Variants in TXNRD1 observed in about 807,000 individuals in gnomAD.
The protein encoded by TXNRD1 is thioredoxin reductase 1, cytoplasmic.
In TXNRD1, 57 loss-of-function variants were observed where a neutral mutation model predicts 80.3. The ratio of observed to expected loss-of-function variants is 0.71; its 90% CI spans 0.57 to 0.89. TXNRD1 has a LOEUF of 0.89. Ranked by LOEUF, TXNRD1 falls within the 40% of genes least tolerant of loss-of-function variation. The pLI, the probability that TXNRD1 is intolerant of heterozygous loss-of-function variation, is 0.00. For synonymous variants in TXNRD1, 291 were observed against 285.2 expected (o/e 1.02, Z -0.20); for missense variants, 730 against 803.0 (o/e 0.91, Z 1.10).
intron 7 of TXNRD1, among the ~76,000 whole-genome samples, chr12:104,316,538 T>G (rs1346462599): frequency 6.6e-6 from 1 of 152,094 alleles, no homozygotes; most frequent in African/African-American, 2.4e-5. Flanking sequence ...TACGGGCGCC[T>G]GCCACCACGC....
chr12:104,301,892 T>A (rs1228211626), intron 4 of TXNRD1, among the ~76,000 whole-genome samples: 3 of 152,216 alleles, frequency 2.0e-5, no homozygotes, highest in Non-Finnish European at 4.4e-5. Context: ...TGAAGAGCAG[T>A]CAACTTTTCC....
chr12:104,265,585 A>G, intron 3 of TXNRD1: 4 of 1,608,062 alleles, frequency 2.5e-6, no homozygotes, highest in East Asian at 4.5e-5. Flanking sequence ...CACCCACAAC[A>G]TGTACCGGGA....
chr12:104,232,742 C>T (rs887544672), intron 1 of TXNRD1, among the ~76,000 whole-genome samples: 9 of 152,230 alleles, frequency 5.9e-5, no homozygotes, highest in South Asian at 4.2e-4. Context: ...CATAAATTTT[C>T]GGTGCTGCAA....
intron 3 of TXNRD1, among the ~76,000 whole-genome samples, chr12:104,285,655 C>T (rs1014758577): frequency 2.6e-5 from 4 of 152,110 alleles, no homozygotes; most frequent in African/African-American, 4.8e-5. Context: ...GGTGTATTTT[C>T]AATATATTTC....
At chr12:104,313,168 AT>A (rs1343543443) in intron 5 of TXNRD1, 76 bp from the exon 6 acceptor site, 4 of 1,191,126 alleles carry the variant, frequency 3.4e-6, no homozygotes, top group Non-Finnish European at 3.6e-6. Context: ...TTAAAAAAAA[AT>A]CATGGATTTT....
chr12:104,239,799 C>T (rs2032820851), intron 1 of TXNRD1, among the ~76,000 whole-genome samples: 2 of 152,098 alleles, frequency 1.3e-5, no homozygotes, highest in Non-Finnish European at 2.9e-5. Flanking sequence ...CTTCTTGACT[C>T]AGTTTGGGTA....
chr12:104,317,325 T>A (rs2135821516), intron 7 of TXNRD1, among the ~76,000 whole-genome samples: 2 of 151,024 alleles, frequency 1.3e-5, no homozygotes, highest in Middle Eastern at 3.5e-3. Flanking sequence ...ACAAGCTACC[T>A]GGTCCTCTAG....
At chr12:104,335,172 A>G (rs1013609249) in intron 15 of TXNRD1, among the ~76,000 whole-genome samples, 1 of 151,434 alleles carries the variant, frequency 6.6e-6, no homozygotes, top group Non-Finnish European at 1.5e-5. Context: ...CAGGTGAATA[A>G]GAGTACAATA....
At chr12:104,251,726 CAG>C (rs765122865) in intron 2 of TXNRD1, 48 bp downstream of exon 2, 1 of 1,591,344 alleles carries the variant, frequency 6.3e-7, no homozygotes, top group Admixed American at 1.8e-5. Context: ...AGGAATTTGA[CAG>C]ACTTTTGAGC....
At chr12:104,339,038 G>A in intron 15 of TXNRD1, 101 bp from the exon 16 acceptor site, 1 of 1,476,862 alleles carries the variant, frequency 6.8e-7, no homozygotes, top group Non-Finnish European at 9.1e-7. Flanking sequence ...TTTTTGAGTT[G>A]GATTTTTAAG....
intron 4 of TXNRD1, among the ~76,000 whole-genome samples, chr12:104,310,606 AATTAT>A (rs1255752132): frequency 6.6e-6 from 1 of 152,224 alleles, no homozygotes; most frequent in Non-Finnish European, 1.5e-5. Context: ...TGTGTATCAG[AATTAT>A]ATTAGTGGAA....
rs183420120 is a variant in TXNRD1 at position 104,301,423 on chromosome 12, C to A, written c.415-9867C>A. ...CGCGATCTTGGCTCACTGCAAGCTC[C>A]GTCTCCTGGGTTCAGGCTAGTCTCC... On this transcript the variant is annotated intron_variant, in intron 4 of 16. Transcript: ENST00000525566. 2.0e-5 allele frequency among the ~76,000 whole-genome samples: 3 copies of A among 152,232 alleles called. No homozygotes were observed. In the East Asian group the frequency reaches 5.8e-4, roughly 29 times the overall value.
intron 15 of TXNRD1, among the ~76,000 whole-genome samples, chr12:104,335,444 T>C (rs1565912478): frequency 6.6e-6 from 1 of 152,024 alleles, no homozygotes; most frequent in South Asian, 2.1e-4. Flanking sequence ...AGGTGATCCG[T>C]CTGCCTTGGT....
At position 104,243,262 on chromosome 12, in the gene TXNRD1, T is replaced by G. The variant is rs2032912951; in HGVS notation, c.92-8265T>G. ...TTCATTATCATGTCCTTTTAGGGAG[T>G]CTTTAGTCTTCCTTCCGTGTGTTTC... On this transcript the variant is annotated intron_variant, in intron 1 of 16. Coordinates refer to ENST00000525566, the MANE Select transcript of TXNRD1 (RefSeq NM_001093771.3). Among the ~76,000 whole-genome samples, 12 of 152,210 alleles carry G rather than the reference T, an allele frequency of 7.9e-5. 1 individual carries two copies. In the South Asian group the frequency reaches 2.5e-3, roughly 32 times the overall value.
At chr12:104,265,639 C>T in intron 3 of TXNRD1, 1 of 1,607,318 alleles carries the variant, frequency 6.2e-7, no homozygotes, top group Non-Finnish European at 8.5e-7. Context: ...CCAGTGCTAC[C>T]GAGACATGGG....
chr12:104,251,086 G>A (rs1410392470), intron 1 of TXNRD1, among the ~76,000 whole-genome samples: 1 of 152,210 alleles, frequency 6.6e-6, no homozygotes, highest in African/African-American at 2.4e-5. Context: ...GAGAAAACAT[G>A]TAAGCCTTGG....
At chr12:104,303,993 A>T in intron 4 of TXNRD1, 1 of 1,609,122 alleles carries the variant, frequency 6.2e-7, no homozygotes, top group Non-Finnish European at 8.5e-7. Flanking sequence ...AGCTCTGGGG[A>T]GGCCGACGTA....
rs551595591 is a variant in TXNRD1, at chr12:104,305,094, T to C, written c.415-6196T>C. 4.0e-4 allele frequency: 304 copies of C among 760,566 alleles called. 3 individuals carry two copies. Among genetic ancestry groups the C allele is most frequent in the South Asian group, 3.9e-3 (132 of 33,796 alleles). The allele number at this position is 760,566 out of a possible 1,614,324, so 47.1% of individuals were successfully genotyped here. A position where few individuals can be genotyped will look rare whatever the true frequency, so the allele number is the denominator to read the frequency against. On this transcript the variant is annotated intron_variant, in intron 4 of 16. Transcript: ENST00000525566. The stretch of plus-strand genomic sequence containing the variant: ...CTGTGCAGCATATTTTTCTTAGTAA[T>C]TTATAAGGTCATGATCTTCTGTTAT...
chr12:104,313,436 C>T, intron 6 of TXNRD1, 119 bp downstream of exon 6: 2 of 699,628 alleles, frequency 2.9e-6, no homozygotes, highest in Non-Finnish European at 4.6e-6. Context: ...GAAAAAACAG[C>T]CCCAAAACAT....
Sources: gnomAD v4.1 joint callset for allele counts (sites outside exome capture counted in the v4.1 genomes callset) on GRCh38, gnomAD v4.1.1 for gene constraint, MANE v1.5 for transcripts, NCBI Gene and HGNC (gene_info 2026-07-23, HGNC 2026-07-21) for gene names.